CA1: variants seen among roughly 807,000 people sequenced by gnomAD.
CA1 encodes carbonic anhydrase 1.
A neutral mutation model predicts 28.8 loss-of-function variants in CA1; 27 were observed. That is an observed-to-expected ratio of 0.94 (90% confidence interval 0.69 to 1.29). The LOEUF is 1.29. Ranked by LOEUF, CA1 falls within the 50% of genes most tolerant of loss-of-function variation. CA1 has a pLI of 0.00. For synonymous variants in CA1, 121 were observed against 108.8 expected, an observed-to-expected ratio of 1.11 and a Z score of -0.70; for missense variants, 335 against 310.5, an observed-to-expected ratio of 1.08 and a Z score of -0.59.
At chr8:85,335,489 C>A (rs1001341399) in intron 4 of CA1, among the ~76,000 whole-genome samples, 3 of 152,084 alleles carry the variant, frequency 2.0e-5, no homozygotes, top group African/African-American at 7.2e-5. Context: ...AGTAAGTGGT[C>A]GAGCTTTGAT....
intron 1 of CA1, among the ~76,000 whole-genome samples, chr8:85,363,639 A>G (rs1399496497): frequency 7.2e-5 from 11 of 151,808 alleles, no homozygotes; most frequent in Non-Finnish European, 1.0e-4. Context: ...TATCTTCACA[A>G]CCCCTCTGGT....
chr8:85,331,381 C>G (rs958628129), intron 6 of CA1, among the ~76,000 whole-genome samples: 1 of 151,790 alleles, frequency 6.6e-6, no homozygotes, highest in African/African-American at 2.4e-5. Flanking sequence ...TGTTGTTCTT[C>G]CAAAGAATCA....
intron 1 of CA1, among the ~76,000 whole-genome samples, chr8:85,350,927 C>T (rs1348734083): frequency 2.0e-5 from 3 of 152,098 alleles, no homozygotes; most frequent in Non-Finnish European, 4.4e-5. Flanking sequence ...TGCTTGCTAG[C>T]CAGGGTTCAC....
At chr8:85,363,536 C>A (rs529153896) in intron 1 of CA1, among the ~76,000 whole-genome samples, 31 of 152,314 alleles carry the variant, frequency 2.0e-4, no homozygotes, top group Non-Finnish European at 4.3e-4. Context: ...CTGTTGCCAT[C>A]CTTATCAAAG....
chr8:85,340,730 G>A (rs2130211536), intron 2 of CA1, among the ~76,000 whole-genome samples: 1 of 152,238 alleles, frequency 6.6e-6, no homozygotes, highest in African/African-American at 2.4e-5. Context: ...ACATTAACAG[G>A]AGTTTGAAAG....
At chr8:85,335,800 G>A (rs973783434) in intron 4 of CA1, among the ~76,000 whole-genome samples, 4 of 152,072 alleles carry the variant, frequency 2.6e-5, no homozygotes, top group Non-Finnish European at 5.9e-5. Context: ...TTATGGAGGG[G>A]AAAACCCAAT....
At chr8:85,359,576 CACTG>C (rs1436703139) in intron 1 of CA1, among the ~76,000 whole-genome samples, 1 of 152,210 alleles carries the variant, frequency 6.6e-6, no homozygotes, top group Non-Finnish European at 1.5e-5. Context: ...GAAGAAGAGA[CACTG>C]AACCTCGAAT....
In CA1 at chr8:85,341,649, G is replaced by C; in HGVS notation, c.-14C>G. 1 of 1,584,886 alleles carries C rather than the reference G, an allele frequency of 6.3e-7. No individual in the cohort carries two copies. On this transcript the variant is annotated 5_prime_UTR_variant, in exon 2 of 8. Coordinates refer to ENST00000523022, the MANE Select transcript of CA1 (RefSeq NM_001128831.4). ...TGGACTTGCCATTATCTTCTACTGA[G>C]TTTTCTTTTTCTGAAAACAAAAATA...
intron 2 of CA1, 105 bp downstream of exon 2, chr8:85,341,494 A>G (rs1024199424): frequency 4.1e-5 from 32 of 778,864 alleles, no homozygotes; most frequent in Middle Eastern, 2.6e-4. Flanking sequence ...AGACAGTTCA[A>G]CAATTAACCT....
chr8:85,346,076 T>A (rs1809172675), intron 1 of CA1, among the ~76,000 whole-genome samples: 1 of 152,202 alleles, frequency 6.6e-6, no homozygotes, highest in Non-Finnish European at 1.5e-5. Flanking sequence ...AACAACCAAG[T>A]CAACTCTTTA....
At chr8:85,339,609 G>A (rs1351831278) in intron 2 of CA1, among the ~76,000 whole-genome samples, 1 of 152,166 alleles carries the variant, frequency 6.6e-6, no homozygotes, top group Non-Finnish European at 1.5e-5. Flanking sequence ...AGCTAGAAAT[G>A]ATTAAGCTCA....
intron 1 of CA1, among the ~76,000 whole-genome samples, chr8:85,349,222 C>T (rs1437180265): frequency 6.6e-6 from 1 of 152,164 alleles, no homozygotes; most frequent in Admixed American, 6.5e-5. Flanking sequence ...TTTTTACTCA[C>T]ATGATCTTAA....
chr8:85,357,574 T>C (rs765138257), intron 1 of CA1, among the ~76,000 whole-genome samples: 2 of 152,218 alleles, frequency 1.3e-5, no homozygotes, highest in African/African-American at 2.4e-5. Flanking sequence ...AAAATCTCTT[T>C]TTTTATTATT....
chr8:85,355,549 CTTTTTTTTTT>C (rs11353842), intron 1 of CA1, among the ~76,000 whole-genome samples: 1 of 108,700 alleles, frequency 9.2e-6, no homozygotes, highest in Non-Finnish European at 1.9e-5. Context: ...TGTCTAGTTC[CTTTTTTTTTT>C]TTTTTTTTTT....
chr8:85,340,670 C>T (rs1324149454), intron 2 of CA1, among the ~76,000 whole-genome samples: 1 of 152,172 alleles, frequency 6.6e-6, no homozygotes, highest in African/African-American at 2.4e-5. Context: ...GGAAAGGATT[C>T]ACCATTCTGC....
intron 1 of CA1, among the ~76,000 whole-genome samples, chr8:85,362,834 A>G (rs1210501515): frequency 6.6e-6 from 1 of 152,192 alleles, no homozygotes; most frequent in African/African-American, 2.4e-5. Flanking sequence ...TAGGCAGATA[A>G]CTTATATTAT....
At chr8:85,338,164 G>C (rs971471657) in intron 3 of CA1, 88 bp downstream of exon 3, 7 of 1,106,812 alleles carry the variant, frequency 6.3e-6, no homozygotes, top group Non-Finnish European at 9.7e-6. Context: ...AAAAGACTTA[G>C]AATGGGTGTC....
intron 1 of CA1, chr8:85,343,270 G>A (rs1003561403): frequency 6.6e-6 from 1 of 152,006 alleles, no homozygotes; most frequent in African/African-American, 2.4e-5. Context: ...AAAATATTGA[G>A]GCTTACAGAG....
At chr8:85,339,735 G>A (rs1334932054) in intron 2 of CA1, among the ~76,000 whole-genome samples, 1 of 152,204 alleles carries the variant, frequency 6.6e-6, no homozygotes, top group Admixed American at 6.6e-5. Context: ...TGCTACACCA[G>A]TGCACACACA....
Sources: gnomAD v4.1 joint callset for allele counts (sites outside exome capture counted in the v4.1 genomes callset) on GRCh38, gnomAD v4.1.1 for gene constraint, MANE v1.5 for transcripts, NCBI Gene and HGNC (gene_info 2026-07-23, HGNC 2026-07-21) for gene names.